The following AFF3 variants were observed in gnomAD, a reference collection of about 807,000 sequenced individuals.
The protein encoded by AFF3 is AF4/FMR2 family member 3.
AFF3 carries 32 observed loss-of-function variants against 129.7 expected under a neutral mutation model. The ratio of observed to expected loss-of-function variants is 0.25; its 90% CI spans 0.19 to 0.33. The LOEUF (loss-of-function observed/expected upper bound fraction) is 0.33. Among genes scored for constraint, AFF3 ranks in the 10% least tolerant of loss-of-function variants. The pLI, the probability that AFF3 is intolerant of heterozygous loss-of-function variation, is 1.00. For synonymous variants in AFF3, 644 were observed against 635.4 expected, an observed-to-expected ratio of 1.01 and a Z score of -0.20; for missense variants, 1,373 against 1,592.0, an observed-to-expected ratio of 0.86 and a Z score of 2.34.
intron 11 of AFF3, among the ~76,000 whole-genome samples, chr2:99,693,031 A>G (rs1675834938): frequency 6.6e-6 from 1 of 152,126 alleles, no homozygotes; most frequent in African/African-American, 2.4e-5. Context: ...ACCAATCCAT[A>G]CTCCCATATG....
chr2:100,028,584 A>G (rs1008940035), intron 4 of AFF3, among the ~76,000 whole-genome samples: 1 of 152,206 alleles, frequency 6.6e-6, no homozygotes, highest in Non-Finnish European at 1.5e-5. Context: ...GAATATATCC[A>G]TAAAATAAAA....
At chr2:99,603,180 G>A (rs1680000719) in intron 13 of AFF3, among the ~76,000 whole-genome samples, 1 of 152,016 alleles carries the variant, frequency 6.6e-6, no homozygotes, top group Admixed American at 6.5e-5. Flanking sequence ...AGACAGAGTA[G>A]GGCAAGGCAC....
intron 4 of AFF3, chr2:100,011,503 C>T (rs1393648185): frequency 1.3e-6 from 1 of 780,918 alleles, no homozygotes; most frequent in African/African-American, 1.7e-5. Flanking sequence ...ATACCTCCTG[C>T]ATCTGCTGGC....
intron 7 of AFF3, among the ~76,000 whole-genome samples, chr2:99,992,557 C>T (rs1559039133): frequency 6.6e-6 from 1 of 152,180 alleles, no homozygotes; most frequent in African/African-American, 2.4e-5. Flanking sequence ...TAATAGGGAG[C>T]CTTTCTGTCT....
intron 7 of AFF3, among the ~76,000 whole-genome samples, chr2:99,879,065 T>C (rs1441996863): frequency 1.3e-5 from 2 of 152,200 alleles, no homozygotes; most frequent in African/African-American, 4.8e-5. Context: ...TAAGAAGCAC[T>C]GAAGTGATAA....
At chr2:100,022,451 C>T (rs1356762851) in intron 4 of AFF3, among the ~76,000 whole-genome samples, 6 of 152,134 alleles carry the variant, frequency 3.9e-5, no homozygotes, top group Non-Finnish European at 8.8e-5. Flanking sequence ...CACTCTATCC[C>T]CCCGGCTGGA....
chr2:99,993,954 C>T (rs1049210260), intron 7 of AFF3, among the ~76,000 whole-genome samples: 1 of 151,170 alleles, frequency 6.6e-6, no homozygotes, highest in Admixed American at 6.6e-5. Flanking sequence ...TACAGGCGCC[C>T]ACCACCATGC....
chr2:100,135,860 A>G (rs1692619672), intron 1 of AFF3, among the ~76,000 whole-genome samples: 1 of 152,214 alleles, frequency 6.6e-6, no homozygotes, highest in Admixed American at 6.5e-5. Context: ...GGGAGAGACC[A>G]TAGGATCTAG....
intron 20 of AFF3, among the ~76,000 whole-genome samples, chr2:99,563,100 TGCCAGC>T (rs1675623873): frequency 6.6e-6 from 1 of 151,988 alleles, no homozygotes; most frequent in Non-Finnish European, 1.5e-5. Context: ...GAGAACCCCT[TGCCAGC>T]GCTCCAGGCC....
At chr2:100,048,093 T>G in intron 4 of AFF3, among the ~76,000 whole-genome samples, 1 of 152,230 alleles carries the variant, frequency 6.6e-6, no homozygotes, top group Admixed American at 6.5e-5. Flanking sequence ...CGTCTCACCC[T>G]TTGTCAGAAC....
rs558343484 is a variant in AFF3 at position 100,104,495 on chromosome 2, G to C, written c.-41C>G. 7.7e-7 allele frequency: 1 copy of C among 1,299,314 alleles called. No individual in the cohort carries two copies. Among genetic ancestry groups the C allele is most frequent in the Non-Finnish European group, 1.0e-6 (1 of 998,384 alleles). 80.5% of individuals were successfully genotyped at this position (1,299,314 alleles called of 1,614,324 possible). A position where few individuals can be genotyped will look rare whatever the true frequency, so the allele number is the denominator to read the frequency against. The stretch of plus-strand genomic sequence containing the variant: ...CGTCGCCGCCGCCGCTACCGCCGCC[G>C]CCGAGGCTCGGGCCGCCCGCGCGCT... On this transcript the variant is annotated 5_prime_UTR_variant, in exon 4 of 25. Transcript: ENST00000672756.
At chr2:99,915,224 T>C (rs1464370046) in intron 7 of AFF3, among the ~76,000 whole-genome samples, 2 of 152,164 alleles carry the variant, frequency 1.3e-5, no homozygotes, top group East Asian at 1.9e-4. Context: ...CGTTACATAT[T>C]ATCATCTGAC....
chr2:99,649,747 A>AC, intron 12 of AFF3, 81 bp from the exon 13 acceptor site: 1 of 1,509,714 alleles, frequency 6.6e-7, no homozygotes, highest in Non-Finnish European at 9.2e-7. Flanking sequence ...TAAAAAAAAG[A>AC]CCCCTGCATT....
At chr2:99,864,207 T>C (rs908606111) in intron 7 of AFF3, among the ~76,000 whole-genome samples, 8 of 152,218 alleles carry the variant, frequency 5.3e-5, no homozygotes, top group Admixed American at 2.6e-4. Context: ...AAAAAACAGA[T>C]GGGGAATAAG....
At chr2:99,716,917 G>C (rs1678456894) in intron 11 of AFF3, among the ~76,000 whole-genome samples, 1 of 151,442 alleles carries the variant, frequency 6.6e-6, no homozygotes, top group African/African-American at 2.4e-5. Flanking sequence ...TCCCATCATG[G>C]CAACTCCCAA....
intron 4 of AFF3, among the ~76,000 whole-genome samples, chr2:100,083,277 A>G (rs1019295364): frequency 9.2e-5 from 14 of 152,186 alleles, no homozygotes; most frequent in Non-Finnish European, 1.6e-4. Context: ...TTTGCAGTTC[A>G]GGCAAATCTA....
chr2:99,709,520 A>T (rs1160496250), intron 11 of AFF3, among the ~76,000 whole-genome samples: 5 of 152,214 alleles, frequency 3.3e-5, no homozygotes, highest in African/African-American at 1.2e-4. Context: ...TAACTGGGTC[A>T]TGAGAGAAAA....
chr2:99,949,995 C>T (rs767426164), intron 7 of AFF3, among the ~76,000 whole-genome samples: 4 of 152,096 alleles, frequency 2.6e-5, no homozygotes, highest in Non-Finnish European at 5.9e-5. Flanking sequence ...ACACAATAAC[C>T]ATGAAATGAT....
intron 2 of AFF3, chr2:100,106,974 A>G: frequency 1.0e-6 from 1 of 985,494 alleles, no homozygotes; most frequent in South Asian, 4.7e-5. Flanking sequence ...TTACGTTTGA[A>G]TTTAAACTCT....
Sources: allele counts gnomAD v4.1 joint callset (sites outside exome capture counted in the v4.1 genomes callset), GRCh38; gene constraint gnomAD v4.1.1; transcripts MANE v1.5; gene names NCBI Gene and HGNC (gene_info 2026-07-23, HGNC 2026-07-21).